POLA1: variants seen among roughly 807,000 people sequenced by gnomAD.
POLA1 encodes DNA polymerase alpha catalytic subunit.
In POLA1, 15 loss-of-function variants were observed where a neutral mutation model predicts 124.0. The observed-to-expected ratio is 0.12, with a 90% CI of 0.08 to 0.19. POLA1 has a LOEUF of 0.19. Among genes scored for constraint, POLA1 ranks in the 10% least tolerant of loss-of-function variants. POLA1 has a pLI of 1.00. For synonymous variants in POLA1, 408 were observed against 389.4 expected (o/e 1.05, Z -0.56); for missense variants, 886 against 1,103.4 (o/e 0.80, Z 2.79).
intron 26 of POLA1, among the ~76,000 whole-genome samples, chrX:24,801,919 G>GT (rs1491267888): frequency 0.014 from 1,197 of 87,636 alleles, 27 homozygotes; most frequent in African/African-American, 0.046. Flanking sequence ...TAGGAGAGGT[G>GT]GGTGGGTGTG....
At chrX:24,830,031 G>A (rs1010756368) in intron 32 of POLA1, among the ~76,000 whole-genome samples, 5 of 111,782 alleles carry the variant, frequency 4.5e-5, no homozygotes, top group African/African-American at 1.6e-4. Flanking sequence ...GAAATGTATT[G>A]TAGTATTGAA....
At chrX:24,870,681 A>G (rs925782899) in intron 34 of POLA1, among the ~76,000 whole-genome samples, 3 of 111,790 alleles carry the variant, frequency 2.7e-5, no homozygotes, top group Non-Finnish European at 5.6e-5. Context: ...TCCTAACAGC[A>G]TCTCCTAAGC....
chrX:24,733,433 C>T (rs1350179524), intron 16 of POLA1, among the ~76,000 whole-genome samples: 1 of 112,230 alleles, frequency 8.9e-6, no homozygotes, highest in Non-Finnish European at 1.9e-5. Flanking sequence ...TGAGTTTCTC[C>T]GCTGTATGTT....
intron 35 of POLA1, among the ~76,000 whole-genome samples, chrX:24,900,251 A>T (rs1327167997): frequency 8.9e-6 from 1 of 112,084 alleles, no homozygotes; most frequent in Non-Finnish European, 1.9e-5. Flanking sequence ...CTGAAATACC[A>T]TGGGGATTAA....
chrX:24,735,018 C>T (rs749591191), intron 17 of POLA1, among the ~76,000 whole-genome samples: 10 of 111,857 alleles, frequency 8.9e-5, no homozygotes, highest in Middle Eastern at 4.6e-3. Context: ...GATTTCTTTG[C>T]CCAGTAAATA....
intron 26 of POLA1, among the ~76,000 whole-genome samples, chrX:24,801,925 G>GTGTGTGTGTGTA (rs2045715967): frequency 1.1e-4 from 1 of 8,829 alleles, no homozygotes; most frequent in Non-Finnish European, 3.5e-4. Context: ...AGGTGGGTGG[G>GTGTGTGTGTGTA]TGTGTGTGTG....
chrX:24,930,480 C>T lies in POLA1; in HGVS notation c.4192C>T (p.Leu1398=). 1.7e-6 allele frequency: 2 copies of T among 1,193,302 alleles called. No individual in the cohort carries two copies. Among genetic ancestry groups the T allele is most frequent in the Admixed American group, 4.3e-5 (2 of 46,108 alleles). ...EYSDKSLYTQ[L]CFYRYIFDAE... ...TTCTGACAAGTCCCTGTACACCCAG[C>T]TGTGCTTTTACCGGTACATTTTTGA... The change falls in exon 36 of 37, where the codon CTG becomes TTG. Residue 1398 remains leucine (L), a synonymous_variant. Coordinates refer to ENST00000379068, the MANE Select transcript of POLA1 (RefSeq NM_001330360.2).
intron 34 of POLA1, among the ~76,000 whole-genome samples, chrX:24,879,386 C>T (rs1194232149): frequency 9.0e-6 from 1 of 111,490 alleles, no homozygotes; most frequent in Non-Finnish European, 1.9e-5. Flanking sequence ...TCACTTGTAG[C>T]TTCATATAGG....
chrX:24,736,919 T>C (rs1255658857), intron 18 of POLA1, among the ~76,000 whole-genome samples: 1 of 112,328 alleles, frequency 8.9e-6, no homozygotes, highest in East Asian at 2.8e-4. Context: ...AGTATATTTA[T>C]TGATGTGAAT....
At chrX:24,995,602 G>A (rs1313214337) in intron 36 of POLA1, among the ~76,000 whole-genome samples, 1 of 111,979 alleles carries the variant, frequency 8.9e-6, no homozygotes, top group Admixed American at 9.4e-5. Flanking sequence ...GCTAGGTGCT[G>A]AGAGGCGGAC....
chrX:24,972,315 A>G (rs1233791111), intron 36 of POLA1, among the ~76,000 whole-genome samples: 1 of 112,224 alleles, frequency 8.9e-6, no homozygotes, highest in African/African-American at 3.2e-5. Flanking sequence ...TAGTTTGTTT[A>G]AAATAAAATA....
chrX:24,723,371 A>G (rs1167667183), intron 11 of POLA1, 104 bp downstream of exon 11: 5 of 515,638 alleles, frequency 9.7e-6, no homozygotes, highest in African/African-American at 6.9e-5. Flanking sequence ...CAAATTCTCT[A>G]CAATCCTGAT....
intron 27 of POLA1, among the ~76,000 whole-genome samples, chrX:24,810,188 T>C (rs766584307): frequency 9.0e-6 from 1 of 111,213 alleles, no homozygotes; most frequent in Non-Finnish European, 1.9e-5. Context: ...TCCAGGCCTT[T>C]ATACTGTATG....
At chrX:24,710,057 G>A (rs1929280940) in intron 4 of POLA1, among the ~76,000 whole-genome samples, 1 of 105,110 alleles carries the variant, frequency 9.5e-6, no homozygotes, top group East Asian at 3.0e-4. Context: ...CTTGCCCTCG[G>A]GCCCCGTGGG....
chrX:24,870,923 T>C (rs762896935), intron 34 of POLA1, among the ~76,000 whole-genome samples: 37 of 111,899 alleles, frequency 3.3e-4, no homozygotes, highest in African/African-American at 1.1e-3. Flanking sequence ...TCTCCTAAGA[T>C]GGCAGATCTT....
At chrX:24,696,933 C>T (rs754134659) in intron 1 of POLA1, among the ~76,000 whole-genome samples, 1 of 111,150 alleles carries the variant, frequency 9.0e-6, no homozygotes, top group East Asian at 2.8e-4. Context: ...TTTGCTTGTG[C>T]CACTTTTTAC....
chrX:24,748,889 C>G lies in POLA1; in HGVS notation c.2861C>G (p.Ala954Gly). Residue 954 changes from alanine (A) to glycine (G), a missense_variant, in exon 26 of 37, where the codon GCT becomes GGT. Ala to Gly is a moderately conservative substitution (Grantham distance 60). Transcript: ENST00000379068. ...LILQYDIRQKALKLTANSMYG... is the reference protein window; with the variant it reads ...LILQYDIRQKGLKLTANSMYG... ...CTGCAGTATGACATTCGACAGAAGG[C>G]TTTGAAGCTCACAGCGAACAGTATG... 3 of 1,208,805 alleles carry G rather than the reference C, an allele frequency of 2.5e-6. No homozygotes were observed. The highest frequency in any genetic ancestry group is 3.4e-6 in the Non-Finnish European group (3 of 892,762).
chrX:24,815,057 T>C lies in POLA1; in HGVS notation c.3375T>C (p.Ile1125=). The part of the protein sequence containing the change: ...VENIQKRLIE[I]GENVLNGSVP... ...ACATTCAGAAGAGGCTGATAGAAAT[T>C]GGAGAAAATGTGCTAAATGGCAGTG... is the stretch of plus-strand genomic sequence containing the variant. Residue 1125 remains isoleucine, a synonymous_variant, in exon 30 of 37, where the codon ATT becomes ATC. Transcript: ENST00000379068. The C allele has an allele frequency of 8.3e-7, 1 of 1,204,233 alleles. No homozygotes were observed. Among genetic ancestry groups the C allele is most frequent in the Non-Finnish European group, 1.1e-6 (1 of 890,388 alleles).
At chrX:24,962,629 T>C (rs1355637354) in intron 36 of POLA1, among the ~76,000 whole-genome samples, 1 of 111,559 alleles carries the variant, frequency 9.0e-6, no homozygotes, top group East Asian at 2.8e-4. Flanking sequence ...CTTGGAGAGG[T>C]TGAATAGCTT....
Sources: gnomAD v4.1 joint callset for allele counts (sites outside exome capture counted in the v4.1 genomes callset) on GRCh38, gnomAD v4.1.1 for gene constraint, MANE v1.5 for transcripts, NCBI Gene and HGNC (gene_info 2026-07-23, HGNC 2026-07-21) for gene names.